The following CHST9 variants were observed in gnomAD, a reference collection of about 807,000 sequenced individuals.
The protein encoded by CHST9 is carbohydrate sulfotransferase 9.
A neutral mutation model predicts 44.4 loss-of-function variants in CHST9; 41 were observed. That is an observed-to-expected ratio of 0.92 (90% CI 0.72 to 1.20). CHST9 has a LOEUF of 1.20. Ranked by LOEUF, CHST9 falls within the 50% of genes most tolerant of loss-of-function variation. CHST9 has a pLI of 0.00. For synonymous variants in CHST9, 171 were observed against 178.4 expected (o/e 0.96, Z 0.33); for missense variants, 504 against 516.5 (o/e 0.98, Z 0.23).
intron 2 of CHST9, among the ~76,000 whole-genome samples, chr18:27,070,688 C>CT (rs2057829569): frequency 2.0e-5 from 1 of 49,694 alleles, no homozygotes; most frequent in Non-Finnish European, 3.9e-5. Flanking sequence ...CCTATGTCAC[C>CT]CCCGTTAGAG....
intron 5 of CHST9, among the ~76,000 whole-genome samples, chr18:26,932,594 C>T (rs559961573): frequency 1.3e-5 from 2 of 152,236 alleles, no homozygotes; most frequent in African/African-American, 4.8e-5. Flanking sequence ...TGATAAACTC[C>T]CAGGGACCAA....
At chr18:27,005,578 A>G (rs923138776) in intron 4 of CHST9, among the ~76,000 whole-genome samples, 2 of 152,184 alleles carry the variant, frequency 1.3e-5, no homozygotes, top group Non-Finnish European at 2.9e-5. Context: ...ATGAATTTAA[A>G]CATGCAAATA....
chr18:26,918,516 T>C (rs1375194030), intron 5 of CHST9, among the ~76,000 whole-genome samples: 1 of 151,832 alleles, frequency 6.6e-6, no homozygotes, highest in Non-Finnish European at 1.5e-5. Context: ...TATATATATA[T>C]ATAGTACATA....
intron 2 of CHST9, among the ~76,000 whole-genome samples, chr18:27,113,474 TC>T (rs1362768819): frequency 6.6e-6 from 1 of 152,170 alleles, no homozygotes; most frequent in Non-Finnish European, 1.5e-5. Context: ...CCTGACATGG[TC>T]TGAATGTTTG....
chr18:27,059,040 A>G (rs1464469556), intron 2 of CHST9, among the ~76,000 whole-genome samples: 1 of 152,136 alleles, frequency 6.6e-6, no homozygotes, highest in Admixed American at 6.5e-5. Context: ...AATATGTTCT[A>G]TTATTCAGCA....
intron 2 of CHST9, among the ~76,000 whole-genome samples, chr18:27,128,349 A>C (rs1399657926): frequency 6.6e-6 from 1 of 152,168 alleles, no homozygotes; most frequent in Non-Finnish European, 1.5e-5. Context: ...GGCTCACTGC[A>C]ACCTCCGCCT....
chr18:27,161,142 C>A (rs1264163705), intron 1 of CHST9, among the ~76,000 whole-genome samples: 1 of 151,920 alleles, frequency 6.6e-6, no homozygotes, highest in Non-Finnish European at 1.5e-5. Flanking sequence ...TTATTTCTTG[C>A]CTTCTGCTAG....
chr18:27,016,957 A>G (rs976801654), intron 4 of CHST9, among the ~76,000 whole-genome samples: 6 of 152,196 alleles, frequency 3.9e-5, no homozygotes, highest in African/African-American at 1.4e-4. Context: ...GCCTCCCTGG[A>G]ACTGAAGTCC....
intron 2 of CHST9, among the ~76,000 whole-genome samples, chr18:27,109,752 A>G (rs1444177804): frequency 6.6e-6 from 1 of 152,130 alleles, no homozygotes; most frequent in East Asian, 1.9e-4. Flanking sequence ...GTGAATTATA[A>G]AATTGGTTCC....
chr18:27,075,477 C>T (rs553563030), intron 2 of CHST9, among the ~76,000 whole-genome samples: 1 of 151,736 alleles, frequency 6.6e-6, no homozygotes, highest in African/African-American at 2.4e-5. Context: ...GGTTCTGATT[C>T]AGTGTTGAGA....
At chr18:27,105,022 G>C (rs1251423581) in intron 2 of CHST9, among the ~76,000 whole-genome samples, 1 of 151,990 alleles carries the variant, frequency 6.6e-6, no homozygotes, top group East Asian at 1.9e-4. Flanking sequence ...AGTTTTATTA[G>C]CATCTATTTT....
intron 2 of CHST9, among the ~76,000 whole-genome samples, chr18:27,073,651 G>A (rs746964277): frequency 1.3e-5 from 2 of 151,972 alleles, no homozygotes; most frequent in Non-Finnish European, 2.9e-5. Context: ...CTGCAGGAAG[G>A]AGAGTCAAGG....
At position 26,957,566 on chromosome 18, in the gene CHST9, C is replaced by CAAA. The variant is rs200839830; in HGVS notation, c.203-13203_203-13201dup. ...GTATTCATTGTTTATAACTACACTGCAAAAAAAAAAAAAAATAGCCAAGCA... is the reference window on the plus strand; with the variant it reads ...GTATTCATTGTTTATAACTACACTGCAAAAAAAAAAAAAAAAAATAGCCAAGCA... On this transcript the variant is annotated intron_variant, in intron 4 of 5. Coordinates refer to ENST00000618847, the MANE Select transcript of CHST9 (RefSeq NM_031422.6). Among the ~76,000 whole-genome samples the CAAA allele has an allele frequency of 4.9e-3, 694 of 141,718 alleles. 8 individuals carry two copies. The highest frequency in any genetic ancestry group is 0.017 in the African/African-American group (660 of 37,944). 93.0% of individuals were successfully genotyped at this position (141,718 alleles called of 152,430 possible). A position where few individuals can be genotyped will look rare whatever the true frequency, so the allele number is the denominator to read the frequency against.
At chr18:26,950,372 T>A (rs2056227350) in intron 4 of CHST9, among the ~76,000 whole-genome samples, 1 of 152,272 alleles carries the variant, frequency 6.6e-6, no homozygotes, top group African/African-American at 2.4e-5. Context: ...TAGCTACTCT[T>A]AAGACATAGA....
At chr18:27,157,120 C>A (rs2058703467) in intron 1 of CHST9, among the ~76,000 whole-genome samples, 1 of 152,046 alleles carries the variant, frequency 6.6e-6, no homozygotes, top group Non-Finnish European at 1.5e-5. Flanking sequence ...TATAGAGAAT[C>A]CTCCTTCCTT....
At chr18:27,020,477 T>C (rs1461856020) in intron 4 of CHST9, among the ~76,000 whole-genome samples, 1 of 152,122 alleles carries the variant, frequency 6.6e-6, no homozygotes, top group Non-Finnish European at 1.5e-5. Context: ...CCCTAATGAG[T>C]CTTTGGAGCT....
chr18:27,118,563 A>G (rs1412863075), intron 2 of CHST9, among the ~76,000 whole-genome samples: 2 of 152,240 alleles, frequency 1.3e-5, no homozygotes, highest in African/African-American at 4.8e-5. Context: ...TTTGGCTGAA[A>G]AGCCAGATTT....
At chr18:27,015,307 A>G (rs1339160452) in intron 4 of CHST9, among the ~76,000 whole-genome samples, 1 of 144,164 alleles carries the variant, frequency 6.9e-6, no homozygotes, top group African/African-American at 2.6e-5. Context: ...AGTTTAAATG[A>G]TCACCAGAGA....
At chr18:27,079,684 C>T (rs1380286844) in intron 2 of CHST9, among the ~76,000 whole-genome samples, 3 of 152,118 alleles carry the variant, frequency 2.0e-5, no homozygotes, top group African/African-American at 7.2e-5. Context: ...CTTAAAATAG[C>T]GCAGATGTAT....
Sources: gnomAD v4.1 joint callset for allele counts (sites outside exome capture counted in the v4.1 genomes callset) on GRCh38, gnomAD v4.1.1 for gene constraint, MANE v1.5 for transcripts, NCBI Gene and HGNC (gene_info 2026-07-23, HGNC 2026-07-21) for gene names.